KCNH7: variants seen among roughly 807,000 people sequenced by gnomAD.
The protein encoded by KCNH7 is potassium voltage-gated channel subfamily H member 7, also known as voltage-gated inwardly rectifying potassium channel KCNH7.
In KCNH7, 49 loss-of-function variants were observed where a neutral mutation model predicts 120.8. The observed-to-expected ratio is 0.41, with a 90% confidence interval of 0.32 to 0.51. KCNH7 has a LOEUF of 0.51. Ranked by LOEUF, KCNH7 falls within the 20% of genes least tolerant of loss-of-function variation. KCNH7 has a pLI of 0.38. For synonymous variants in KCNH7, 547 were observed against 516.1 expected (o/e 1.06, Z -0.81); for missense variants, 1,097 against 1,446.6 (o/e 0.76, Z 3.92).
chr2:162,519,634 A>C (rs1691447977), intron 3 of KCNH7, among the ~76,000 whole-genome samples: 1 of 151,842 alleles, frequency 6.6e-6, no homozygotes. Flanking sequence ...AAAGTATCCA[A>C]ACAATAATCT....
chr2:162,541,945 G>T (rs1479275309), intron 2 of KCNH7, among the ~76,000 whole-genome samples: 1 of 152,038 alleles, frequency 6.6e-6, no homozygotes, highest in Non-Finnish European at 1.5e-5. Flanking sequence ...TATCTTGATG[G>T]TCTTCTATGT....
At chr2:162,469,497 T>C (rs1689422447) in intron 6 of KCNH7, among the ~76,000 whole-genome samples, 1 of 150,916 alleles carries the variant, frequency 6.6e-6, no homozygotes, top group Non-Finnish European at 1.5e-5. Context: ...CGGTACTAGT[T>C]GAGTGAATCT....
intron 2 of KCNH7, among the ~76,000 whole-genome samples, chr2:162,776,308 G>T (rs1559128335): frequency 6.6e-6 from 1 of 152,088 alleles, no homozygotes; most frequent in Non-Finnish European, 1.5e-5. Flanking sequence ...AGTCGAGGGA[G>T]GCCAATCATT....
At chr2:162,794,214 CAAA>C (rs990066417) in intron 2 of KCNH7, among the ~76,000 whole-genome samples, 13 of 142,080 alleles carry the variant, frequency 9.1e-5, no homozygotes, top group Non-Finnish European at 2.0e-4. Context: ...GAAAGGAAAA[CAAA>C]GAAGGAAGGA....
intron 10 of KCNH7, among the ~76,000 whole-genome samples, chr2:162,399,047 C>A (rs1355945892): frequency 6.6e-6 from 1 of 151,874 alleles, no homozygotes; most frequent in African/African-American, 2.4e-5. Context: ...ACATCCCTGT[C>A]CTGTTGGAGA....
intron 2 of KCNH7, among the ~76,000 whole-genome samples, chr2:162,747,860 T>C (rs952412544): frequency 6.6e-6 from 1 of 152,204 alleles, no homozygotes; most frequent in Non-Finnish European, 1.5e-5. Flanking sequence ...TAAAGTACTT[T>C]CTACAGTGGT....
At chr2:162,535,749 T>C (rs1047179604) in intron 3 of KCNH7, among the ~76,000 whole-genome samples, 26 of 151,652 alleles carry the variant, frequency 1.7e-4, no homozygotes, top group African/African-American at 5.8e-4. Context: ...AAAATTAATA[T>C]CGAATAATAA....
chr2:162,513,133 A>G (rs951264278), intron 4 of KCNH7, among the ~76,000 whole-genome samples: 2 of 150,270 alleles, frequency 1.3e-5, no homozygotes, highest in African/African-American at 4.9e-5. Flanking sequence ...AATGTTTCTA[A>G]GATAACAGTT....
At chr2:162,399,970 A>C (rs1687025131) in intron 10 of KCNH7, among the ~76,000 whole-genome samples, 1 of 152,048 alleles carries the variant, frequency 6.6e-6, no homozygotes, top group Non-Finnish European at 1.5e-5. Context: ...GAATCATCGA[A>C]GCATTTACAC....
Position 162,561,271 on chromosome 2 carries a change from G to A in KCNH7, c.308-24191C>T, listed in dbSNP as rs369064179. ...TTTCTTTATCTATTTTGCTGTGGCT[G>A]TTGCTTTTGCTATGAAGCAGTCGTA... is the stretch of plus-strand genomic sequence containing the variant. On this transcript the variant is annotated intron_variant, in intron 2 of 15. Transcript: ENST00000332142. Among the ~76,000 whole-genome samples the A allele has an allele frequency of 5.3e-5, 8 of 152,056 alleles. No individual in the cohort carries two copies. In the East Asian group the frequency reaches 1.4e-3, roughly 26 times the overall value.
intron 2 of KCNH7, among the ~76,000 whole-genome samples, chr2:162,640,107 T>C (rs1574206723): frequency 6.6e-6 from 1 of 152,166 alleles, no homozygotes; most frequent in African/African-American, 2.4e-5. Flanking sequence ...CAATAGTAAC[T>C]ATTTCAATTC....
intron 2 of KCNH7, among the ~76,000 whole-genome samples, chr2:162,820,033 CTTTTTTTTT>C (rs66809770): frequency 1.3e-4 from 10 of 77,040 alleles, no homozygotes; most frequent in African/African-American, 5.0e-4. Context: ...ATTCCATAAA[CTTTTTTTTT>C]TTTTTTTTTT....
At chr2:162,460,838 A>G (rs1689123858) in intron 6 of KCNH7, among the ~76,000 whole-genome samples, 1 of 152,194 alleles carries the variant, frequency 6.6e-6, no homozygotes, top group Non-Finnish European at 1.5e-5. Flanking sequence ...AGGCTAGCTA[A>G]CGTTCCAAGG....
At chr2:162,514,542 T>C (rs916046959) in intron 4 of KCNH7, among the ~76,000 whole-genome samples, 1 of 151,840 alleles carries the variant, frequency 6.6e-6, no homozygotes, top group African/African-American at 2.4e-5. Context: ...CTGCTTGTTA[T>C]TCTTCCATGA....
At chr2:162,783,852 A>G (rs1683600414) in intron 2 of KCNH7, among the ~76,000 whole-genome samples, 1 of 152,184 alleles carries the variant, frequency 6.6e-6, no homozygotes, top group African/African-American at 2.4e-5. Flanking sequence ...TATTAAAGAG[A>G]ATATTTCTGG....
At chr2:162,751,308 G>A (rs1688539486) in intron 2 of KCNH7, among the ~76,000 whole-genome samples, 1 of 152,118 alleles carries the variant, frequency 6.6e-6, no homozygotes, top group South Asian at 2.1e-4. Context: ...CTAGGAGAAT[G>A]TTGTATAAAA....
rs564571223 is a variant in KCNH7 at position 162,543,950 on chromosome 2, A to G, written c.308-6870T>C. 1.3e-4 allele frequency among the ~76,000 whole-genome samples: 20 copies of G among 152,298 alleles called. No individual in the cohort carries two copies. In the South Asian group the frequency reaches 3.3e-3, roughly 25 times the overall value. ...TGAGTAAACTTTCTCCAAATATTCA[A>G]TGATGCAGTTGAGTCACTCAGCCCT... On this transcript the variant is annotated intron_variant, in intron 2 of 15. Coordinates refer to ENST00000332142, the MANE Select transcript of KCNH7 (RefSeq NM_033272.4).
At chr2:162,470,187 G>A (rs1056642201) in intron 6 of KCNH7, among the ~76,000 whole-genome samples, 31 of 151,712 alleles carry the variant, frequency 2.0e-4, no homozygotes, top group African/African-American at 7.5e-4. Flanking sequence ...GATGTGAGGA[G>A]CCCCTCTGCC....
In KCNH7 at chr2:162,805,471, CAT is replaced by C. The variant is rs1161220498; in HGVS notation, c.307+31064_307+31065del. On this transcript the variant is annotated intron_variant, in intron 2 of 15. Coordinates refer to ENST00000332142, the MANE Select transcript of KCNH7 (RefSeq NM_033272.4). ...AGAGGATATACAGATGGCCAACAAA[CAT>C]ATGAAAAAATGCTCAATATCACTTA... Among the ~76,000 whole-genome samples, 8 of 152,106 alleles carry C rather than the reference CAT, an allele frequency of 5.3e-5. No homozygotes were observed. In the East Asian group the frequency reaches 7.7e-4, roughly 15 times the overall value.
Sources: gnomAD v4.1 joint callset for allele counts (sites outside exome capture counted in the v4.1 genomes callset) on GRCh38, gnomAD v4.1.1 for gene constraint, MANE v1.5 for transcripts, NCBI Gene and HGNC (gene_info 2026-07-23, HGNC 2026-07-21) for gene names.